UBE2N: variants seen among roughly 807,000 people sequenced by gnomAD.
UBE2N encodes ubiquitin conjugating enzyme E2 N, also known as ubiquitin-conjugating enzyme E2 N.
For synonymous variants in UBE2N, 70 were observed against 69.2 expected (o/e 1.01, Z -0.06); for missense variants, 60 against 192.1 (o/e 0.31, Z 4.07).
At chr12:93,417,370 ATTTTT>A (rs1247693323) in intron 1 of UBE2N, among the ~76,000 whole-genome samples, 1 of 152,180 alleles carries the variant, frequency 6.6e-6, no homozygotes, top group Admixed American at 6.5e-5. Flanking sequence ...CAGGACTCTT[ATTTTT>A]AAGTTGAAAA....
intron 1 of UBE2N, among the ~76,000 whole-genome samples, chr12:93,431,619 T>C (rs1433787421): frequency 6.6e-6 from 1 of 152,210 alleles, no homozygotes; most frequent in African/African-American, 2.4e-5. Context: ...TAATAAAAAC[T>C]ATATGACCAA....
intron 1 of UBE2N, among the ~76,000 whole-genome samples, chr12:93,434,229 T>C (rs1039769264): frequency 2.0e-5 from 3 of 152,196 alleles, no homozygotes; most frequent in Admixed American, 1.3e-4. Flanking sequence ...GAGGTGGAGA[T>C]TGCAGTTAGC....
chr12:93,437,603 C>T (rs1029097982), intron 1 of UBE2N, among the ~76,000 whole-genome samples: 2 of 152,130 alleles, frequency 1.3e-5, no homozygotes, highest in Admixed American at 1.3e-4. Flanking sequence ...TTGAGACCAG[C>T]ATGGCCAACA....
intron 1 of UBE2N, among the ~76,000 whole-genome samples, chr12:93,421,945 A>C (rs530336678): frequency 6.6e-6 from 1 of 152,352 alleles, no homozygotes; most frequent in East Asian, 1.9e-4. Context: ...GTGAGTAGTC[A>C]AGGTCTTAAG....
At position 93,410,748 on chromosome 12, in the gene UBE2N, T is replaced by C. The variant is rs763638944; in HGVS notation, c.404A>G (p.Gln135Arg). The C allele has an allele frequency of 2.5e-6, 4 of 1,614,106 alleles. No individual in the cohort carries two copies. ...VAEQWKTNEA[Q>R]AIETARAWTR... ...ATATTAGATACCTGTTTCTATGGCT[T>C]GGGCTTCGTTGGTCTTCCACTGCTC... is the stretch of plus-strand genomic sequence containing the variant. Residue 135 changes from glutamine to arginine, a missense_variant, in exon 3 of 4, where the codon CAA becomes CGA. Coordinates refer to ENST00000318066, the MANE Select transcript of UBE2N (RefSeq NM_003348.4).
chr12:93,414,259 G>C (rs1486024202), intron 1 of UBE2N, among the ~76,000 whole-genome samples: 1 of 151,768 alleles, frequency 6.6e-6, no homozygotes, highest in Non-Finnish European at 1.5e-5. Context: ...AGACCAGCCT[G>C]ATCAACATGG....
At chr12:93,424,762 T>C (rs979476610) in intron 1 of UBE2N, among the ~76,000 whole-genome samples, 20 of 152,230 alleles carry the variant, frequency 1.3e-4, no homozygotes, top group African/African-American at 4.8e-4. Flanking sequence ...TATTATTACC[T>C]AACCCATGGA....
intron 1 of UBE2N, among the ~76,000 whole-genome samples, chr12:93,419,987 T>C (rs547512277): frequency 6.6e-6 from 1 of 152,330 alleles, no homozygotes; most frequent in African/African-American, 2.4e-5. Context: ...AAAATGCCTA[T>C]CCTAAAGTCA....
In UBE2N at chr12:93,410,060, T is replaced by C; in HGVS notation, c.438A>G (p.Leu146=). 6.2e-7 allele frequency: 1 copy of C among 1,613,528 alleles called. No homozygotes were observed. Among genetic ancestry groups the C allele is most frequent in the Non-Finnish European group, 8.5e-7 (1 of 1,179,746 alleles). The part of the protein sequence containing the change: ...AIETARAWTR[L]YAMNNI ...CAATTTAAATATTATTCATGGCATATAGCCTAGTCCATGCTCTAGCTGTAG... is the reference window on the plus strand; with the variant it reads ...CAATTTAAATATTATTCATGGCATACAGCCTAGTCCATGCTCTAGCTGTAG... The change falls in exon 4 of 4, where the codon CTA becomes CTG. Residue 146 remains leucine (L), a synonymous_variant. Transcript: ENST00000318066.
chr12:93,435,509 A>G (rs1878908826), intron 1 of UBE2N, among the ~76,000 whole-genome samples: 1 of 151,948 alleles, frequency 6.6e-6, no homozygotes, highest in Non-Finnish European at 1.5e-5. Flanking sequence ...GGCAGAGAGT[A>G]AAGCTACTCC....
chr12:93,418,232 A>G (rs1056297913), intron 1 of UBE2N, among the ~76,000 whole-genome samples: 9 of 152,190 alleles, frequency 5.9e-5, no homozygotes, highest in African/African-American at 2.2e-4. Flanking sequence ...GCATGCTGGC[A>G]TATGACTATA....
chr12:93,421,721 GTATA>G lies in UBE2N; in HGVS notation c.31-10426_31-10423del, dbSNP rs1229518054. Among the ~76,000 whole-genome samples, 7 of 152,022 alleles carry G rather than the reference GTATA, an allele frequency of 4.6e-5. No individual in the cohort carries two copies. In the South Asian group the frequency reaches 6.2e-4, roughly 14 times the overall value. On this transcript the variant is annotated intron_variant, in intron 1 of 3. Coordinates refer to ENST00000318066, the MANE Select transcript of UBE2N (RefSeq NM_003348.4). ...AAAAACTGATTTGATTGAAAAATTG[GTATA>G]TACTATTTTGACTTGGAATTATCAG...
intron 1 of UBE2N, among the ~76,000 whole-genome samples, chr12:93,424,114 A>C (rs1174278728): frequency 6.6e-6 from 1 of 152,136 alleles, no homozygotes; most frequent in Non-Finnish European, 1.5e-5. Context: ...ATATGTTTAC[A>C]TTTTTTCACT....
chr12:93,411,843 G>A (rs1449465892), intron 1 of UBE2N, among the ~76,000 whole-genome samples: 4 of 151,962 alleles, frequency 2.6e-5, no homozygotes, highest in South Asian at 2.1e-4. Flanking sequence ...ACAGGTGTGC[G>A]CCACCACACC....
chr12:93,409,723 C>T lies in UBE2N; in HGVS notation c.*316G>A, dbSNP rs151131121. The T allele has an allele frequency of 4.3e-3, 1,098 of 257,642 alleles. 2 individuals are homozygous for T. Among genetic ancestry groups the T allele is most frequent in the Non-Finnish European group, 6.2e-3 (801 of 128,326 alleles). The allele number at this position is 257,642 out of a possible 1,614,324, so 16.0% of individuals were successfully genotyped here. A position where few individuals can be genotyped will look rare whatever the true frequency, so the allele number is the denominator to read the frequency against. On this transcript the variant is annotated 3_prime_UTR_variant, in exon 4 of 4. Coordinates refer to ENST00000318066, the MANE Select transcript of UBE2N (RefSeq NM_003348.4). ...AAAACACCCACACCCCTGCAGCTAA[C>T]CTGACAACTACCTTCATTCACAGTG...
intron 1 of UBE2N, among the ~76,000 whole-genome samples, chr12:93,426,962 C>G (rs989099801): frequency 1.3e-5 from 2 of 151,858 alleles, no homozygotes; most frequent in African/African-American, 4.8e-5. Flanking sequence ...TTTTGTCGCC[C>G]AGACTGGAGT....
At chr12:93,418,177 C>T (rs1279564407) in intron 1 of UBE2N, among the ~76,000 whole-genome samples, 1 of 152,024 alleles carries the variant, frequency 6.6e-6, no homozygotes, top group Non-Finnish European at 1.5e-5. Context: ...GGCAACATAG[C>T]AAGACCCCAT....
chr12:93,430,814 A>AT (rs1878740971), intron 1 of UBE2N, among the ~76,000 whole-genome samples: 1 of 148,142 alleles, frequency 6.8e-6, no homozygotes, highest in Admixed American at 6.8e-5. Context: ...ATATATATAT[A>AT]AAAAATTTTT....
chr12:93,420,831 A>G (rs1324083573), intron 1 of UBE2N, among the ~76,000 whole-genome samples: 1 of 152,092 alleles, frequency 6.6e-6, no homozygotes, highest in Admixed American at 6.5e-5. Flanking sequence ...TTTCTTGTCT[A>G]TCTTGCCTCC....
Sources: allele counts gnomAD v4.1 joint callset (sites outside exome capture counted in the v4.1 genomes callset), GRCh38; gene constraint gnomAD v4.1.1; transcripts MANE v1.5; gene names NCBI Gene and HGNC (gene_info 2026-07-23, HGNC 2026-07-21).